Variants in PRPF39 observed in about 807,000 individuals in gnomAD.
The protein encoded by PRPF39 is pre-mRNA processing factor 39, also known as pre-mRNA-processing factor 39.
Under a neutral mutation model 82.1 loss-of-function variants are expected in PRPF39, and 27 were observed. The ratio of observed to expected loss-of-function variants is 0.33; its 90% confidence interval spans 0.24 to 0.45. PRPF39 has a LOEUF of 0.45. Among genes scored for constraint, PRPF39 ranks in the 20% least tolerant of loss-of-function variants. The pLI is 1.00. For missense variants in PRPF39, 581 were observed against 796.9 expected (o/e 0.73, Z 3.26); for synonymous variants, 261 against 256.4 (o/e 1.02, Z -0.17).
chr14:45,109,140 T>A (rs1440535968), intron 7 of PRPF39, among the ~76,000 whole-genome samples: 1 of 152,206 alleles, frequency 6.6e-6, no homozygotes, highest in Non-Finnish European at 1.5e-5. Context: ...GATTTCCCTA[T>A]AATGGCCTTT....
At position 45,109,708 on chromosome 14, in the gene PRPF39, T is replaced by C; in HGVS notation, c.1104T>C (p.Thr368=). The change falls in exon 8 of 14, where the codon ACT becomes ACC. Residue 368 remains threonine (T), a synonymous_variant. Coordinates refer to ENST00000355765, the MANE Select transcript of PRPF39 (RefSeq NM_017922.4). The part of the protein sequence containing the change: ...EYLEFEIENG[T]HERVVVLFER... ...TAGAATTTGAAATTGAAAATGGGACTCATGAACGAGTTGTGGTTCTCTTTG... is the reference window on the plus strand; with the variant it reads ...TAGAATTTGAAATTGAAAATGGGACCCATGAACGAGTTGTGGTTCTCTTTG... The C allele has an allele frequency of 6.2e-7, 1 of 1,608,778 alleles. No individual in the cohort carries two copies. Among genetic ancestry groups the C allele is most frequent in the Non-Finnish European group, 8.5e-7 (1 of 1,177,178 alleles).
At chr14:45,105,999 C>A (rs72672919) in intron 5 of PRPF39, among the ~76,000 whole-genome samples, 3,504 of 152,102 alleles carry the variant, frequency 0.023, 67 homozygotes, top group Non-Finnish European at 0.035. Context: ...AAATGAAAAG[C>A]TAGGTGGAAG....
chr14:45,096,457 C>T (rs1884205317), intron 3 of PRPF39: 1 of 1,474,950 alleles, frequency 6.8e-7, no homozygotes, highest in South Asian at 1.2e-5. Context: ...TCAAGCTTTG[C>T]AGTGCAAGCC....
rs866567336 is a variant in PRPF39, at chr14:45,111,658, T to C, written c.1573-660T>C. ...TTTTTTTTTTTTTTTTTTTTTTTTTTGAGACAGAGTTTCATTGTCATTGAG... is the reference window on the plus strand; with the variant it reads ...TTTTTTTTTTTTTTTTTTTTTTTTTCGAGACAGAGTTTCATTGTCATTGAG... On this transcript the variant is annotated intron_variant, in intron 10 of 13. Transcript: ENST00000355765. 6.6e-3 allele frequency among the ~76,000 whole-genome samples: 939 copies of C among 143,326 alleles called. 12 individuals are homozygous for C. Among genetic ancestry groups the C allele is most frequent in the African/African-American group, 0.023 (877 of 37,394 alleles). The allele number at this position is 143,326 out of a possible 152,430, so 94.0% of individuals were successfully genotyped here.
chr14:45,103,727 T>G (rs2139055183), intron 5 of PRPF39, among the ~76,000 whole-genome samples: 2 of 152,248 alleles, frequency 1.3e-5, no homozygotes, highest in Middle Eastern at 6.8e-3. Context: ...TGAAAGATGT[T>G]AACACAAGTA....
intron 1 of PRPF39, among the ~76,000 whole-genome samples, chr14:45,087,660 G>A (rs955376743): frequency 6.6e-5 from 10 of 151,182 alleles, no homozygotes; most frequent in East Asian, 1.9e-4. Context: ...TGCAACCTCC[G>A]CCTCCTGGGT....
intron 2 of PRPF39, among the ~76,000 whole-genome samples, 185 bp from the exon 3 acceptor site, chr14:45,095,918 G>A (rs1275981216): frequency 1.4e-5 from 2 of 143,744 alleles, no homozygotes; most frequent in African/African-American, 2.7e-5. Context: ...TTAAGTGAAA[G>A]CAAGTTTATT....
intron 4 of PRPF39, among the ~76,000 whole-genome samples, chr14:45,098,521 C>A (rs1411973947): frequency 2.0e-5 from 3 of 151,610 alleles, no homozygotes; most frequent in East Asian, 1.9e-4. Flanking sequence ...CATTTTATAA[C>A]CTTTTTGGTT....
intron 2 of PRPF39, among the ~76,000 whole-genome samples, chr14:45,095,889 G>GTTT (rs371379977): frequency 0.062 from 8,083 of 129,854 alleles, 842 homozygotes; most frequent in African/African-American, 0.21. Context: ...GCCTGTGTAG[G>GTTT]TTTTTTTTTT....
At position 45,110,135 on chromosome 14, in the gene PRPF39, G is replaced by A; in HGVS notation, c.1218G>A (p.Arg406=). 2.5e-6 allele frequency: 4 copies of A among 1,613,412 alleles called. No homozygotes were observed. The highest frequency in any genetic ancestry group is 3.4e-6 in the Non-Finnish European group (4 of 1,179,496). Residue 406 remains arginine, a synonymous_variant, in exon 9 of 14, where the codon AGG becomes AGA. Coordinates refer to ENST00000355765, the MANE Select transcript of PRPF39 (RefSeq NM_017922.4). This position sits in a 1 kb window ranked among gnomAD's most constrained non-coding sequence, Gnocchi z 4.0. The part of the protein sequence containing the change: ...YMENHSIEGV[R]HVFSRACTIH... ...AAAACCATAGCATTGAAGGAGTGAGGCATGTCTTCAGCAGAGCTTGTACTA... is the reference window on the plus strand; with the variant it reads ...AAAACCATAGCATTGAAGGAGTGAGACATGTCTTCAGCAGAGCTTGTACTA...
intron 4 of PRPF39, among the ~76,000 whole-genome samples, chr14:45,098,834 T>A (rs1363495439): frequency 2.0e-5 from 3 of 152,214 alleles, no homozygotes; most frequent in Non-Finnish European, 4.4e-5. Context: ...GAGTTTATTA[T>A]TAGATCTCAC....
At chr14:45,091,016 C>T (rs1884005349) in intron 1 of PRPF39, among the ~76,000 whole-genome samples, 1 of 152,002 alleles carries the variant, frequency 6.6e-6, no homozygotes, top group Admixed American at 6.6e-5. Context: ...TTTATTCTTT[C>T]TTAGGAAAAA....
intron 7 of PRPF39, among the ~76,000 whole-genome samples, chr14:45,108,856 G>A (rs938272998): frequency 6.6e-6 from 1 of 152,194 alleles, no homozygotes; most frequent in South Asian, 2.1e-4. Context: ...AGTAAAATGA[G>A]GTAATTTCCC....
chr14:45,111,060 A>AT (rs1884681839), intron 10 of PRPF39: 1 of 451,714 alleles, frequency 2.2e-6, no homozygotes, highest in Admixed American at 3.8e-5. Context: ...GATACTTTAT[A>AT]TTTTCCCTTT....
chr14:45,108,693 C>T (rs1019299301), intron 7 of PRPF39, among the ~76,000 whole-genome samples, 171 bp downstream of exon 7: 7 of 152,022 alleles, frequency 4.6e-5, no homozygotes, highest in Admixed American at 4.6e-4. Context: ...TCCATTTTCC[C>T]TGATGAGTTT....
Position 45,110,806 on chromosome 14 carries a change from G to A in PRPF39, c.1561G>A (p.Glu521Lys), listed in dbSNP as rs756711891. The A allele has an allele frequency of 2.6e-6, 4 of 1,550,418 alleles. No homozygotes were observed. The highest frequency in any genetic ancestry group is 2.4e-5 in the East Asian group (1 of 41,062). Residue 521 changes from glutamate to lysine, a missense_variant, in exon 10 of 14, where the codon GAA becomes AAA. Physicochemically the swap from Glu to Lys is moderately conservative, Grantham distance 56 (BLOSUM62 1). Transcript: ENST00000355765. This position sits in a 1 kb window ranked among gnomAD's most constrained non-coding sequence, Gnocchi z 4.0. ...AAGAAAGGTGCTTTTGGAAGCAATCGAAAGAGACAAAGTATGCATTTGTAT... is the reference window on the plus strand; with the variant it reads ...AAGAAAGGTGCTTTTGGAAGCAATCAAAAGAGACAAAGTATGCATTTGTAT... The part of the protein sequence containing the change: ...KSRKVLLEAI[E>K]RDKENTKLYL...
At chr14:45,112,614 C>T in intron 11 of PRPF39, 112 bp downstream of exon 11, 1 of 1,096,484 alleles carries the variant, frequency 9.1e-7, no homozygotes, top group Non-Finnish European at 1.2e-6. Flanking sequence ...AAAATGTTCG[C>T]TTAGTTTACT....
intron 1 of PRPF39, among the ~76,000 whole-genome samples, chr14:45,084,538 G>C (rs1883760150): frequency 6.6e-6 from 1 of 152,202 alleles, no homozygotes. Context: ...AAGATATTTG[G>C]GGGTAATTCT....
At chr14:45,099,233 C>T (rs1281185182) in intron 4 of PRPF39, among the ~76,000 whole-genome samples, 1 of 152,016 alleles carries the variant, frequency 6.6e-6, no homozygotes, top group Non-Finnish European at 1.5e-5. Flanking sequence ...TCCTTCTATT[C>T]TTAGAAATGT....
Sources: allele counts gnomAD v4.1 joint callset (sites outside exome capture counted in the v4.1 genomes callset), GRCh38; gene constraint gnomAD v4.1.1; non-coding constraint Gnocchi (gnomAD v3.1); transcripts MANE v1.5; gene names NCBI Gene and HGNC (gene_info 2026-07-23, HGNC 2026-07-21).